CDH11: variants seen among roughly 807,000 people sequenced by gnomAD.
CDH11 encodes the protein cadherin 11, also known as cadherin-11.
In CDH11, 11 loss-of-function variants were observed where a neutral mutation model predicts 67.8. That is an observed-to-expected ratio of 0.16 (90% CI 0.10 to 0.27). The LOEUF (loss-of-function observed/expected upper bound fraction) is 0.27. Among genes scored for constraint, CDH11 ranks in the 10% least tolerant of loss-of-function variants. The probability of loss-of-function intolerance (pLI) is 1.00; values close to 1 mark genes in which losing one functional copy is unlikely to be tolerated. For missense variants in CDH11, 847 were observed against 1,031.2 expected (o/e 0.82, Z 2.45); for synonymous variants, 419 against 400.0 (o/e 1.05, Z -0.57).
At chr16:65,092,331 T>G (rs1183172252) in intron 1 of CDH11, among the ~76,000 whole-genome samples, 2 of 152,190 alleles carry the variant, frequency 1.3e-5, no homozygotes, top group African/African-American at 4.8e-5. Flanking sequence ...AATTCTGGAC[T>G]CCCAGGCCAA....
chr16:65,092,746 G>A (rs1210008527), intron 1 of CDH11, among the ~76,000 whole-genome samples: 1 of 150,388 alleles, frequency 6.6e-6, no homozygotes, highest in Non-Finnish European at 1.5e-5. Context: ...TCTGTTCTTG[G>A]GACACTGAGG....
intron 11 of CDH11, among the ~76,000 whole-genome samples, chr16:64,960,201 G>T (rs917051586): frequency 2.0e-5 from 3 of 152,124 alleles, no homozygotes; most frequent in Non-Finnish European, 4.4e-5. Context: ...GGGTGATGGG[G>T]TACTGACTTC....
chr16:64,981,713 A>G (rs1036912658), intron 8 of CDH11: 1 of 188,422 alleles, frequency 5.3e-6, no homozygotes, highest in African/African-American at 2.3e-5. Context: ...TATTTAATAA[A>G]TTGCAATTAC....
rs868547209 is a variant in CDH11 at position 64,947,715 on chromosome 16, G to A, written c.2279C>T (p.Ser760Leu). The A allele has an allele frequency of 6.2e-7, 1 of 1,613,986 alleles. No individual in the cohort carries two copies. Among genetic ancestry groups the A allele is most frequent in the South Asian group, 1.1e-5 (1 of 91,060 alleles). ...SVAGSLSSLE[S>L]ATTDSDLDYD... ...GTCCAAGTCTGAATCTGTGGTGGCC[G>A]ACTCTAGGGAGCTCAGGGACCCGGC... The change falls in exon 13 of 13, where the codon TCG becomes TTG. Residue 760 changes from serine to leucine, a missense_variant. This residue lies in a region of CDH11 where 612 missense variants were observed against 678.7 expected (regional missense o/e 0.90). Coordinates refer to ENST00000268603, the MANE Select transcript of CDH11 (RefSeq NM_001797.4).
intron 4 of CDH11, among the ~76,000 whole-genome samples, chr16:64,995,345 C>T (rs1202274550): frequency 6.6e-6 from 1 of 152,130 alleles, no homozygotes; most frequent in Non-Finnish European, 1.5e-5. Context: ...TCAAGCTATA[C>T]TACAAGGCTA....
chr16:65,063,104 G>A (rs1010538723), intron 1 of CDH11, among the ~76,000 whole-genome samples: 1 of 152,146 alleles, frequency 6.6e-6, no homozygotes, highest in Non-Finnish European at 1.5e-5. Flanking sequence ...TGAAGAATGC[G>A]AAAAATCATT....
intron 1 of CDH11, among the ~76,000 whole-genome samples, chr16:65,087,414 G>A (rs1357633346): frequency 6.6e-6 from 1 of 152,146 alleles, no homozygotes; most frequent in Non-Finnish European, 1.5e-5. Flanking sequence ...GACTAGAACT[G>A]AGAGTCTGAC....
In CDH11 at chr16:64,963,123, C is replaced by T. The variant is rs141645368; in HGVS notation, c.1642+8456G>A. Among the ~76,000 whole-genome samples, 88 of 152,218 alleles carry T rather than the reference C, an allele frequency of 5.8e-4. 1 individual carries two copies. The East Asian group carries it at 0.013, about 22-fold the overall frequency. On this transcript the variant is annotated intron_variant, in intron 11 of 12. Transcript: ENST00000268603. Reference sequence around the variant, plus strand: ...ACAGAGAAAATATCAAAACCAGGCACGCATATGACAGAGATGTTGGAATTA... The same window carrying T: ...ACAGAGAAAATATCAAAACCAGGCATGCATATGACAGAGATGTTGGAATTA...
rs1179208959 is a variant in CDH11, at chr16:65,053,830, C to T, written c.-199G>A. ...TTCTTCACCCATTGGATACTTGCTG[C>T]CAATTTCTGTAACACACTCCACCCA... On this transcript the variant is annotated 5_prime_UTR_variant, in exon 2 of 13. The change creates a premature stop within an existing upstream ORF in the 5' untranslated region. Coordinates refer to ENST00000268603, the MANE Select transcript of CDH11 (RefSeq NM_001797.4). 1 of 455,968 alleles carries T rather than the reference C, an allele frequency of 2.2e-6. No individual in the cohort carries two copies. The highest frequency in any genetic ancestry group is 4.4e-6 in the Non-Finnish European group (1 of 226,770). 28.2% of individuals were successfully genotyped at this position (455,968 alleles called of 1,614,324 possible). A position where few individuals can be genotyped will look rare whatever the true frequency, so the allele number is the denominator to read the frequency against.
intron 7 of CDH11, among the ~76,000 whole-genome samples, chr16:64,984,236 T>C (rs1162959867): frequency 6.6e-6 from 1 of 152,162 alleles, no homozygotes; most frequent in South Asian, 2.1e-4. Flanking sequence ...AGGTGGGGGT[T>C]GGAGTGGAAT....
At chr16:65,055,216 C>T (rs1273011684) in intron 1 of CDH11, among the ~76,000 whole-genome samples, 1 of 152,158 alleles carries the variant, frequency 6.6e-6, no homozygotes, top group East Asian at 1.9e-4. Context: ...TAAAATTACC[C>T]CACAATAACC....
chr16:64,970,018 GTGT>G (rs541257432), intron 11 of CDH11, among the ~76,000 whole-genome samples: 52 of 152,290 alleles, frequency 3.4e-4, no homozygotes, highest in African/African-American at 1.2e-3. Flanking sequence ...AACTTAAAGA[GTGT>G]TAAGTAACGT....
intron 2 of CDH11, among the ~76,000 whole-genome samples, chr16:65,038,304 T>C (rs1350691830): frequency 6.6e-6 from 1 of 152,134 alleles, no homozygotes; most frequent in Non-Finnish European, 1.5e-5. Flanking sequence ...TATCCCACTG[T>C]CTGCTAGGGA....
intron 1 of CDH11, among the ~76,000 whole-genome samples, chr16:65,107,747 A>T (rs1475288148): frequency 6.6e-6 from 1 of 152,196 alleles, no homozygotes; most frequent in Non-Finnish European, 1.5e-5. Context: ...TGTCTCCATG[A>T]TTCCTTCTCC....
chr16:65,040,286 C>G (rs948806326), intron 2 of CDH11, among the ~76,000 whole-genome samples: 1 of 152,128 alleles, frequency 6.6e-6, no homozygotes, highest in Non-Finnish European at 1.5e-5. Flanking sequence ...TTCACAATAG[C>G]AAAGACTTGG....
intron 1 of CDH11, among the ~76,000 whole-genome samples, chr16:65,106,626 T>C (rs1048697338): frequency 6.6e-6 from 1 of 152,200 alleles, no homozygotes; most frequent in Non-Finnish European, 1.5e-5. Flanking sequence ...GGATAGTACC[T>C]ATTGATGGAC....
chr16:65,036,028 T>C (rs529723502), intron 2 of CDH11, among the ~76,000 whole-genome samples: 2 of 152,294 alleles, frequency 1.3e-5, no homozygotes, highest in Non-Finnish European at 1.5e-5. Context: ...GGATAGTGGC[T>C]TATAATTAGC....
chr16:65,089,103 T>G (rs1450979254), intron 1 of CDH11, among the ~76,000 whole-genome samples: 3 of 152,162 alleles, frequency 2.0e-5, no homozygotes, highest in Non-Finnish European at 4.4e-5. Context: ...CTTGTTTAGT[T>G]GGGGTAATAT....
At chr16:65,039,112 T>A (rs1310879121) in intron 2 of CDH11, among the ~76,000 whole-genome samples, 1 of 152,188 alleles carries the variant, frequency 6.6e-6, no homozygotes, top group African/African-American at 2.4e-5. Context: ...CATGAACTGA[T>A]TTAACTCTTG....
Sources: gnomAD v4.1 joint callset for allele counts (sites outside exome capture counted in the v4.1 genomes callset) on GRCh38, gnomAD v4.1.1 for gene constraint, gnomAD v4.1.1 regional missense constraint, MANE v1.5 for transcripts, NCBI Gene and HGNC (gene_info 2026-07-23, HGNC 2026-07-21) for gene names.